Variants in FAM135A observed in about 807,000 individuals in gnomAD.
FAM135A encodes family with sequence similarity 135 member A, also known as protein FAM135A.
In FAM135A, 79 loss-of-function variants were observed where a neutral mutation model predicts 146.8. The ratio of observed to expected loss-of-function variants is 0.54; its 90% confidence interval spans 0.45 to 0.65. FAM135A has a LOEUF of 0.65. FAM135A is among the 30% of genes least tolerant of loss of function. FAM135A has a pLI of 0.00. For missense variants in FAM135A, 1,623 were observed against 1,758.2 expected (o/e 0.92, Z 1.38); for synonymous variants, 562 against 603.6 (o/e 0.93, Z 1.01).
At chr6:70,557,246 T>C (rs745621553) in intron 21 of FAM135A, 279 of 311,954 alleles carry the variant, frequency 8.9e-4, no homozygotes, top group Non-Finnish European at 4.7e-4. Context: ...ATAAAGACTT[T>C]ATTTGTTCTT....
At chr6:70,513,599 G>T (rs1791541247) in intron 12 of FAM135A, among the ~76,000 whole-genome samples, 1 of 151,614 alleles carries the variant, frequency 6.6e-6, no homozygotes, top group Non-Finnish European at 1.5e-5. Flanking sequence ...TTACTCATAA[G>T]CATTTTATAT....
intron 5 of FAM135A, among the ~76,000 whole-genome samples, chr6:70,463,443 A>T (rs1480397727): frequency 1.3e-5 from 2 of 151,538 alleles, no homozygotes; most frequent in African/African-American, 4.9e-5. Context: ...AAATTTGTAG[A>T]GACGGGAGTC....
intron 20 of FAM135A, among the ~76,000 whole-genome samples, chr6:70,551,305 T>C (rs1469994470): frequency 1.3e-5 from 2 of 152,192 alleles, no homozygotes; most frequent in Non-Finnish European, 2.9e-5. Context: ...CATTTCTAGC[T>C]TTTGATTTAA....
At chr6:70,480,812 C>G (rs992345199) in intron 8 of FAM135A, 89 bp from the exon 9 acceptor site, 4 of 1,323,176 alleles carry the variant, frequency 3.0e-6, no homozygotes, top group Admixed American at 5.2e-5. Context: ...CCTTGCTGTT[C>G]TATTCCTGTA....
At chr6:70,443,403 A>G (rs1158299900) in intron 4 of FAM135A, among the ~76,000 whole-genome samples, 3 of 152,268 alleles carry the variant, frequency 2.0e-5, no homozygotes, top group Non-Finnish European at 4.4e-5. Context: ...TGCCTGCAGT[A>G]TGCAGTACAG....
intron 11 of FAM135A, 22 bp from the exon 12 acceptor site, chr6:70,502,614 A>AT: frequency 5.6e-6 from 9 of 1,595,656 alleles, no homozygotes; most frequent in South Asian, 3.4e-5. Flanking sequence ...AAATAGTGAA[A>AT]TTTTTTTTCT....
intron 4 of FAM135A, among the ~76,000 whole-genome samples, chr6:70,442,404 TTTGTA>T (rs1302438005): frequency 6.6e-6 from 1 of 152,144 alleles, no homozygotes; most frequent in Admixed American, 6.5e-5. Context: ...TTTTCTTTGT[TTTGTA>T]ATTATATAAA....
chr6:70,450,716 GTTTTTTTTTTTTTTTTTTTTTTTTTTTTT>G (rs546674936), intron 4 of FAM135A, among the ~76,000 whole-genome samples: 4 of 28,348 alleles, frequency 1.4e-4, no homozygotes, highest in Non-Finnish European at 2.3e-4. Flanking sequence ...CCTTTTAGTT[GTTTTTTTTTTTTTTTTTTTTTTTTTTTTT>G]TTTTTTTTTT....
intron 11 of FAM135A, among the ~76,000 whole-genome samples, chr6:70,499,673 TG>T (rs1394867862): frequency 6.6e-6 from 1 of 152,178 alleles, no homozygotes; most frequent in African/African-American, 2.4e-5. Context: ...GAGGCAGTCC[TG>T]GTGACAAAAT....
intron 16 of FAM135A, among the ~76,000 whole-genome samples, chr6:70,529,484 A>T (rs1795376195): frequency 6.6e-6 from 1 of 151,634 alleles, no homozygotes; most frequent in Non-Finnish European, 1.5e-5. Flanking sequence ...AATATTCTCA[A>T]TGCTAACTTT....
intron 17 of FAM135A, 61 bp from the exon 18 acceptor site, chr6:70,533,696 A>T (rs1465670840): frequency 2.1e-6 from 2 of 969,176 alleles, no homozygotes; most frequent in African/African-American, 1.7e-5. Flanking sequence ...TTATATTGTT[A>T]GTTTTTCATG....
Position 70,526,021 on chromosome 6 carries a change from C to A in FAM135A, c.2937C>A (p.Val979=). ...SKLICLGTPC[V]ISGSISSNTD... is the part of the protein sequence containing the mutation. ...TGATTTGTTTAGGCACTCCTTGTGT[C>A]ATTTCAGGTTCCATTTCTAGTAATA... Residue 979 remains valine (V), a synonymous_variant, in exon 15 of 22, where the codon GTC becomes GTA. Coordinates refer to ENST00000418814, the MANE Select transcript of FAM135A (RefSeq NM_001162529.3). 2 of 1,611,942 alleles carry A rather than the reference C, an allele frequency of 1.2e-6. No homozygotes were observed. Among genetic ancestry groups the A allele is most frequent in the South Asian group, 1.1e-5 (1 of 90,716 alleles).
intron 4 of FAM135A, among the ~76,000 whole-genome samples, chr6:70,446,392 A>G (rs1453733830): frequency 6.6e-6 from 1 of 152,232 alleles, no homozygotes; most frequent in African/African-American, 2.4e-5. Context: ...CCATCTGAAC[A>G]TAGTGTGACC....
chr6:70,475,032 A>G (rs1782355108), intron 5 of FAM135A, among the ~76,000 whole-genome samples: 1 of 152,122 alleles, frequency 6.6e-6, no homozygotes, highest in Admixed American at 6.6e-5. Flanking sequence ...CTTTATTCCA[A>G]GTGTTTAGAG....
intron 21 of FAM135A, chr6:70,557,694 CAAAAAAAAAAAAA>C (rs1177559650): frequency 1.7e-5 from 1 of 58,138 alleles, no homozygotes; most frequent in African/African-American, 7.1e-5. Flanking sequence ...AACTCTGTCT[CAAAAAAAAAAAAA>C]AAAAAAAAAA....
intron 12 of FAM135A, among the ~76,000 whole-genome samples, chr6:70,520,574 T>C (rs1793340317): frequency 1.3e-5 from 2 of 152,182 alleles, no homozygotes. Context: ...AGCTTTTGAA[T>C]AAGTGATGTT....
intron 16 of FAM135A, among the ~76,000 whole-genome samples, chr6:70,532,345 CTG>C (rs1322114320): frequency 6.6e-6 from 1 of 152,028 alleles, no homozygotes; most frequent in Non-Finnish European, 1.5e-5. Context: ...TGTCTTATAT[CTG>C]TATTGTAAGT....
chr6:70,482,851 T>C (rs1280830246), intron 10 of FAM135A, among the ~76,000 whole-genome samples: 2 of 152,248 alleles, frequency 1.3e-5, no homozygotes, highest in East Asian at 3.9e-4. Flanking sequence ...TTTATGTCAG[T>C]TTTATTAGCT....
At position 70,533,334 on chromosome 6, in the gene FAM135A, G is replaced by A. The variant is rs1030478432; in HGVS notation, c.3867+83G>A. ...AATTTTGCCTTACTACAAAATGCCT[G>A]TAATAGTAGAAATAATTTTTCTGAT... On this transcript the variant is annotated intron_variant, in intron 17 of 21. Coordinates refer to ENST00000418814, the MANE Select transcript of FAM135A (RefSeq NM_001162529.3). 7.8e-5 allele frequency: 66 copies of A among 851,526 alleles called. No homozygotes were observed. In the African/African-American group the frequency reaches 7.8e-4, roughly 10 times the overall value. The allele number at this position is 851,526 out of a possible 1,614,324, so 52.7% of individuals were successfully genotyped here.
Sources: allele counts gnomAD v4.1 joint callset (sites outside exome capture counted in the v4.1 genomes callset), GRCh38; gene constraint gnomAD v4.1.1; transcripts MANE v1.5; gene names NCBI Gene and HGNC (gene_info 2026-07-23, HGNC 2026-07-21).